The following HSD17B12 variants were observed in gnomAD, a reference collection of about 807,000 sequenced individuals.
HSD17B12 encodes very-long-chain 3-oxoacyl-CoA reductase.
Under a neutral mutation model 39.3 loss-of-function variants are expected in HSD17B12, and 32 were observed. The observed-to-expected ratio is 0.81, with a 90% CI of 0.61 to 1.09. The LOEUF is 1.09. Ranked by LOEUF, HSD17B12 falls within the 50% of genes least tolerant of loss-of-function variation. The pLI is 0.00. For synonymous variants in HSD17B12, 150 were observed against 146.7 expected, an observed-to-expected ratio of 1.02 and a Z score of -0.16; for missense variants, 342 against 382.9, an observed-to-expected ratio of 0.89 and a Z score of 0.89.
the HSD17B12 span, among the ~76,000 whole-genome samples, chr11:43,563,262 T>C: frequency 6.6e-6 from 1 of 152,324 alleles, no homozygotes; most frequent in East Asian, 1.9e-4. Context: ...CTTGCCATTG[T>C]AGCACTCGTA....
chr11:43,787,268 A>C (rs139325553), intron 3 of HSD17B12, among the ~76,000 whole-genome samples: 19 of 152,204 alleles, frequency 1.2e-4, no homozygotes, highest in African/African-American at 4.6e-4. Context: ...TTGTTCTGAA[A>C]GTGTTGCAGA....
the HSD17B12 span, among the ~76,000 whole-genome samples, chr11:43,600,870 C>A: frequency 1.3e-5 from 2 of 151,684 alleles, no homozygotes; most frequent in African/African-American, 4.8e-5. Context: ...GGAAAATTTT[C>A]TTGTGTTAGT....
chr11:43,834,573 C>T (rs1951350510), intron 7 of HSD17B12, among the ~76,000 whole-genome samples: 1 of 152,124 alleles, frequency 6.6e-6, no homozygotes, highest in Non-Finnish European at 1.5e-5. Flanking sequence ...TCCTCTATGA[C>T]AGTAGAATTT....
At chr11:43,574,355 T>TG in the HSD17B12 span, among the ~76,000 whole-genome samples, 1 of 152,232 alleles carries the variant, frequency 6.6e-6, no homozygotes, top group Admixed American at 6.5e-5. Context: ...AGGTCGATAA[T>TG]TAGGGTTAAG....
At chr11:43,637,838 G>C in the HSD17B12 span, among the ~76,000 whole-genome samples, 1 of 152,164 alleles carries the variant, frequency 6.6e-6, no homozygotes, top group African/African-American at 2.4e-5. Flanking sequence ...ATGTGTAAGA[G>C]AAAAAGTGAT....
chr11:43,852,460 T>G (rs998805938), intron 9 of HSD17B12: 7 of 62,092 alleles, frequency 1.1e-4, no homozygotes, highest in Non-Finnish European at 8.6e-5. Flanking sequence ...TATATTTGGG[T>G]TTTTTTTTTT....
At chr11:43,655,617 G>T in the HSD17B12 span, among the ~76,000 whole-genome samples, 1 of 152,092 alleles carries the variant, frequency 6.6e-6, no homozygotes, top group South Asian at 2.1e-4. Flanking sequence ...TAGCATGAAG[G>T]GCTGTTGAAT....
At chr11:43,775,347 T>C (rs1394429088) in intron 3 of HSD17B12, among the ~76,000 whole-genome samples, 1 of 152,186 alleles carries the variant, frequency 6.6e-6, no homozygotes, top group Non-Finnish European at 1.5e-5. Flanking sequence ...GGAAAAGTAA[T>C]ACATACTCCT....
chr11:43,737,501 G>T (rs1950327383), intron 1 of HSD17B12, among the ~76,000 whole-genome samples: 1 of 152,060 alleles, frequency 6.6e-6, no homozygotes, highest in South Asian at 2.1e-4. Flanking sequence ...CTTCTCAAAG[G>T]CTTGTAAATT....
chr11:43,564,968 C>T, the HSD17B12 span, among the ~76,000 whole-genome samples: 2 of 148,484 alleles, frequency 1.3e-5, no homozygotes, highest in Admixed American at 6.8e-5. Context: ...GGCACTGTGT[C>T]GGCTGGCTGC....
chr11:43,687,467 A>G (rs1321190750), intron 1 of HSD17B12, among the ~76,000 whole-genome samples: 1 of 152,212 alleles, frequency 6.6e-6, no homozygotes, highest in Non-Finnish European at 1.5e-5. Context: ...TTGTGAGGGA[A>G]AGTTCTAGAG....
At chr11:43,753,928 C>A in intron 2 of HSD17B12, 118 bp from the exon 3 acceptor site, 1 of 587,852 alleles carries the variant, frequency 1.7e-6, no homozygotes, top group South Asian at 2.9e-5. Flanking sequence ...CTTCATTACA[C>A]TTGGGTTTAT....
rs11037587 is a variant in HSD17B12 at position 43,735,334 on chromosome 11, A to G, written c.161-15577A>G. On this transcript the variant is annotated intron_variant, in intron 1 of 10. Coordinates refer to ENST00000278353, the MANE Select transcript of HSD17B12 (RefSeq NM_016142.3). ...TATGGTATTTCTGTTGATCTTTTTGAGGAACTCCCAACCTGTTTCCTTCAG... is the reference window on the plus strand; with the variant it reads ...TATGGTATTTCTGTTGATCTTTTTGGGGAACTCCCAACCTGTTTCCTTCAG... Among the ~76,000 whole-genome samples, 838 of 152,298 alleles carry G rather than the reference A, an allele frequency of 5.5e-3. 6 individuals are homozygous for G. The highest frequency in any genetic ancestry group is 0.019 in the African/African-American group (800 of 41,576).
At chr11:43,562,452 G>A in the HSD17B12 span, among the ~76,000 whole-genome samples, 71 of 152,348 alleles carry the variant, frequency 4.7e-4, no homozygotes, top group African/African-American at 1.7e-3. Flanking sequence ...CATTTAAAAT[G>A]GGGACCTACC....
chr11:43,697,688 CTA>C (rs1275533533), intron 1 of HSD17B12, among the ~76,000 whole-genome samples: 1 of 152,100 alleles, frequency 6.6e-6, no homozygotes, highest in Non-Finnish European at 1.5e-5. Context: ...GGACAGGGGA[CTA>C]TTTCAAGCAG....
At chr11:43,581,513 C>A in the HSD17B12 span, 2 of 478,704 alleles carry the variant, frequency 4.2e-6, no homozygotes, top group South Asian at 1.5e-5. This position sits in a 1 kb window ranked among gnomAD's most constrained non-coding sequence, Gnocchi z 4.9. Context: ...AGCCATCCAG[C>A]GATCGCCGAA....
the HSD17B12 span, among the ~76,000 whole-genome samples, chr11:43,570,616 C>T: frequency 6.6e-6 from 1 of 152,170 alleles, no homozygotes; most frequent in African/African-American, 2.4e-5. Flanking sequence ...CCCAAATGCT[C>T]TTCAGGGATC....
At chr11:43,775,471 A>G (rs576420523) in intron 3 of HSD17B12, among the ~76,000 whole-genome samples, 2 of 146,928 alleles carry the variant, frequency 1.4e-5, no homozygotes, top group African/African-American at 5.0e-5. Context: ...TCTTTGAACA[A>G]ATAATTTTAA....
At chr11:43,815,816 C>T (rs1951117081) in intron 5 of HSD17B12, among the ~76,000 whole-genome samples, 3 of 152,076 alleles carry the variant, frequency 2.0e-5, no homozygotes, top group Admixed American at 6.5e-5. Flanking sequence ...ATCAAAATAG[C>T]TCTGTTGTAA....
Sources: allele counts gnomAD v4.1 joint callset (sites outside exome capture counted in the v4.1 genomes callset), GRCh38; gene constraint gnomAD v4.1.1; non-coding constraint Gnocchi (gnomAD v3.1); transcripts MANE v1.5; gene names NCBI Gene and HGNC (gene_info 2026-07-23, HGNC 2026-07-21).